MAPT: variants seen among roughly 807,000 people sequenced by gnomAD.
MAPT encodes microtubule associated protein tau, also known as microtubule-associated protein tau.
A neutral mutation model predicts 67.9 loss-of-function variants in MAPT; 34 were observed. The ratio of observed to expected loss-of-function variants is 0.50; its 90% CI spans 0.38 to 0.67. The LOEUF (loss-of-function observed/expected upper bound fraction) is 0.67. Ranked by LOEUF, MAPT falls within the 30% of genes least tolerant of loss-of-function variation. The pLI is 0.00. For synonymous variants in MAPT, 456 were observed against 464.5 expected (o/e 0.98, Z 0.23); for missense variants, 881 against 1,115.2 (o/e 0.79, Z 2.99).
chr17:45,936,590 T>A (rs2067350421), intron 1 of MAPT, among the ~76,000 whole-genome samples: 1 of 147,294 alleles, frequency 6.8e-6, no homozygotes, highest in African/African-American at 2.4e-5. Flanking sequence ...CACTTGGGAG[T>A]CTAGTTTTTT....
chr17:45,951,994 T>G (rs1206370721), intron 1 of MAPT, among the ~76,000 whole-genome samples: 3 of 152,116 alleles, frequency 2.0e-5, no homozygotes, highest in African/African-American at 7.2e-5. Context: ...AGCCTTGGTG[T>G]GTTTATTTTC....
rs1276649889 is a variant in MAPT, at chr17:45,904,222, ATATATATTATATATTATAATATATAT to A, written c.-18+9555_-18+9580del. 1.1e-3 allele frequency among the ~76,000 whole-genome samples: 48 copies of A among 45,286 alleles called. 3 individuals carry two copies. The highest frequency in any genetic ancestry group is 3.3e-3 in the African/African-American group (42 of 12,658). 29.7% of individuals were successfully genotyped at this position (45,286 alleles called of 152,430 possible). ...ATATATCTAATATATTATATATATT[ATATATATTATATATTATAATATATAT>A]TATATATTATATATTATATATATTT... is the stretch of plus-strand genomic sequence containing the variant. On this transcript the variant is annotated intron_variant, in intron 1 of 12. Coordinates refer to ENST00000262410, the MANE Select transcript of MAPT (RefSeq NM_001377265.1).
intron 1 of MAPT, among the ~76,000 whole-genome samples, chr17:45,907,269 C>T (rs549956912): frequency 6.6e-6 from 1 of 152,346 alleles, no homozygotes; most frequent in Admixed American, 6.5e-5. Context: ...TGCCCCACCC[C>T]CTATTTAAAT....
chr17:46,008,140 A>T (rs1006662694), intron 9 of MAPT, among the ~76,000 whole-genome samples: 2 of 152,230 alleles, frequency 1.3e-5, no homozygotes, highest in African/African-American at 4.8e-5. Context: ...TCTGTCACCC[A>T]GGCTGGAGTT....
intron 9 of MAPT, among the ~76,000 whole-genome samples, chr17:46,005,317 A>G (rs1378447962): frequency 6.6e-6 from 1 of 152,208 alleles, no homozygotes; most frequent in African/African-American, 2.4e-5. Context: ...TGTAATTATC[A>G]GTGTTGATGC....
chr17:46,014,212 C>T (rs752745954), intron 10 of MAPT, 31 bp from the exon 11 acceptor site: 5 of 1,321,116 alleles, frequency 3.8e-6, no homozygotes, highest in Non-Finnish European at 2.2e-6. Context: ...CTCTGCCTTT[C>T]CTCTTCTCTC....
intron 8 of MAPT, chr17:45,993,890 GATA>G: frequency 6.5e-7 from 1 of 1,548,524 alleles, no homozygotes; most frequent in Non-Finnish European, 8.8e-7. Flanking sequence ...TAAGCCTGAT[GATA>G]ATAAGGCTTT....
At chr17:45,899,417 T>G (rs2063479092) in intron 1 of MAPT, among the ~76,000 whole-genome samples, 1 of 152,204 alleles carries the variant, frequency 6.6e-6, no homozygotes, top group Admixed American at 6.5e-5. Context: ...CTTGCTAAGA[T>G]TATCTCATTT....
intron 1 of MAPT, among the ~76,000 whole-genome samples, chr17:45,921,299 T>G (rs1407993796): frequency 1.3e-5 from 2 of 152,184 alleles, no homozygotes; most frequent in Non-Finnish European, 2.9e-5. Context: ...AGAATTCTCT[T>G]CTCCAGACCC....
intron 1 of MAPT, among the ~76,000 whole-genome samples, chr17:45,922,034 T>C (rs546975776): frequency 1.6e-4 from 25 of 151,922 alleles, no homozygotes; most frequent in Middle Eastern, 3.4e-3. Context: ...TTTTTTTTTT[T>C]CCTCCATCAC....
At chr17:45,955,125 C>A (rs2069491004) in intron 1 of MAPT, among the ~76,000 whole-genome samples, 1 of 152,198 alleles carries the variant, frequency 6.6e-6, no homozygotes, top group Admixed American at 6.5e-5. Context: ...GGGCAGGATT[C>A]TTTGAAGCAG....
At chr17:46,005,137 T>G (rs1321688547) in intron 9 of MAPT, among the ~76,000 whole-genome samples, 1 of 152,248 alleles carries the variant, frequency 6.6e-6, no homozygotes, top group Non-Finnish European at 1.5e-5. Flanking sequence ...CTTAATGTCC[T>G]TTGATTCATT....
At chr17:45,916,610 G>T (rs1383083162) in intron 1 of MAPT, among the ~76,000 whole-genome samples, 1 of 152,212 alleles carries the variant, frequency 6.6e-6, no homozygotes, top group Non-Finnish European at 1.5e-5. Flanking sequence ...CCCCAAATGT[G>T]TGACAGCCTT....
chr17:45,915,316 G>A lies in MAPT; in HGVS notation c.-18+20630G>A, dbSNP rs1450580126. Among the ~76,000 whole-genome samples, 3 of 150,366 alleles carry A rather than the reference G, an allele frequency of 2.0e-5. No individual in the cohort carries two copies. Among genetic ancestry groups the A allele is most frequent in the Non-Finnish European group, 4.4e-5 (3 of 67,600 alleles). On this transcript the variant is annotated intron_variant, in intron 1 of 12. Coordinates refer to ENST00000262410, the MANE Select transcript of MAPT (RefSeq NM_001377265.1). This position sits in a 1 kb window ranked among gnomAD's most constrained non-coding sequence, Gnocchi z 4.4. ...GTGCTGTGTGAGCGTGTGTGAGTCT[G>A]TGTGTGTAGTGTGTGTGTGAAGTAT...
chr17:45,966,547 C>T (rs527579897), intron 2 of MAPT, among the ~76,000 whole-genome samples: 13 of 152,182 alleles, frequency 8.5e-5, no homozygotes, highest in African/African-American at 3.1e-4. Context: ...TGTGATTGTA[C>T]CACTGCACTC....
At chr17:46,011,464 G>A (rs1054630623) in intron 10 of MAPT, among the ~76,000 whole-genome samples, 3 of 152,094 alleles carry the variant, frequency 2.0e-5, no homozygotes, top group African/African-American at 7.2e-5. Context: ...CGGGGACTCC[G>A]TGCATCTTCT....
At position 45,982,038 on chromosome 17, in the gene MAPT, G is replaced by A. The variant is rs866371005; in HGVS notation, c.287-828G>A. Among the ~76,000 whole-genome samples the A allele has an allele frequency of 8.2e-4, 107 of 130,430 alleles. 2 individuals are homozygous for A. The highest frequency in any genetic ancestry group is 4.1e-3 in the Middle Eastern group (1 of 244). 85.6% of individuals were successfully genotyped at this position (130,430 alleles called of 152,430 possible). On this transcript the variant is annotated intron_variant, in intron 4 of 12. Coordinates refer to ENST00000262410, the MANE Select transcript of MAPT (RefSeq NM_001377265.1). ...TGTCTCAAAAAAAAAAAAAAAGAAA[G>A]AAAGAAAGGAAAAAAAAAACTCATG...
chr17:45,978,273 GAAT>G (rs2072584424), intron 3 of MAPT, 99 bp from the exon 4 acceptor site: 2 of 922,146 alleles, frequency 2.2e-6, no homozygotes, highest in Non-Finnish European at 3.6e-6. Context: ...TGACTTTCCT[GAAT>G]GTTTAAGGGA....
At chr17:45,977,502 T>C (rs1255300051) in intron 3 of MAPT, 1 of 152,264 alleles carries the variant, frequency 6.6e-6, no homozygotes, top group Non-Finnish European at 1.5e-5. Context: ...AAACTTTTTT[T>C]CTGGACAATT....
Sources: allele counts gnomAD v4.1 joint callset (sites outside exome capture counted in the v4.1 genomes callset), GRCh38; gene constraint gnomAD v4.1.1; non-coding constraint Gnocchi (gnomAD v3.1); transcripts MANE v1.5; gene names NCBI Gene and HGNC (gene_info 2026-07-23, HGNC 2026-07-21).